The following BAZ1B variants were observed in gnomAD, a reference collection of about 807,000 sequenced individuals.
BAZ1B encodes the protein bromodomain adjacent to zinc finger domain 1B, also known as tyrosine-protein kinase BAZ1B.
BAZ1B carries 22 observed loss-of-function variants against 153.8 expected under a neutral mutation model. The ratio of observed to expected loss-of-function variants is 0.14; its 90% confidence interval spans 0.10 to 0.20. BAZ1B has a LOEUF of 0.20. Ranked by LOEUF, BAZ1B falls within the 10% of genes least tolerant of loss-of-function variation. The probability of loss-of-function intolerance (pLI) is 1.00; values close to 1 mark genes in which losing one functional copy is unlikely to be tolerated. For synonymous variants in BAZ1B, 676 were observed against 633.4 expected, an observed-to-expected ratio of 1.07 and a Z score of -1.01; for missense variants, 1,325 against 1,799.3, an observed-to-expected ratio of 0.74 and a Z score of 4.77.
intron 7 of BAZ1B, among the ~76,000 whole-genome samples, chr7:73,471,020 C>G (rs1788783670): frequency 6.6e-6 from 1 of 152,188 alleles, no homozygotes; most frequent in African/African-American, 2.4e-5. Context: ...TAGGCGTGAG[C>G]CACCACACCC....
intron 10 of BAZ1B, 96 bp downstream of exon 10, chr7:73,466,200 A>G: frequency 2.3e-6 from 2 of 867,100 alleles, no homozygotes; most frequent in East Asian, 5.0e-5. Flanking sequence ...TCCTGCGCAA[A>G]TAATTATTAA....
chr7:73,447,210 G>A (rs1443429208), intron 16 of BAZ1B, 54 bp downstream of exon 16: 46 of 1,611,964 alleles, frequency 2.9e-5, no homozygotes, highest in Non-Finnish European at 3.6e-5. Flanking sequence ...CTTTCCAAGC[G>A]TTCCAAGCTT....
chr7:73,459,590 A>G lies in BAZ1B; in HGVS notation c.3378T>C (p.Asp1126=), dbSNP rs1788324473. 1 of 1,614,040 alleles carries G rather than the reference A, an allele frequency of 6.2e-7. No individual in the cohort carries two copies. The highest frequency in any genetic ancestry group is 2.2e-5 in the East Asian group (1 of 44,886). The part of the protein sequence containing the change: ...KQKRRKLQSE[D]SAKTEEVDEE... ...CATCCACTTCCTCAGTTTTTGCTGA[A>G]TCTTCACTTTGGAGTTTTCTTCTCT... Residue 1126 remains aspartate (D), a synonymous_variant, in exon 13 of 20, where the codon GAT becomes GAC. Coordinates refer to ENST00000339594, the MANE Select transcript of BAZ1B (RefSeq NM_032408.4).
intron 5 of BAZ1B, among the ~76,000 whole-genome samples, chr7:73,490,631 G>C (rs1363057719): frequency 1.3e-5 from 2 of 149,566 alleles, no homozygotes; most frequent in Admixed American, 1.3e-4. Flanking sequence ...TTGAGATGGA[G>C]TTTCACTCTT....
At chr7:73,486,876 CTA>C (rs1369244094) in intron 6 of BAZ1B, among the ~76,000 whole-genome samples, 1 of 152,184 alleles carries the variant, frequency 6.6e-6, no homozygotes, top group Non-Finnish European at 1.5e-5. Context: ...ATCTGTGTTA[CTA>C]TGTTTTGCCC....
chr7:73,442,458 C>T lies in BAZ1B; in HGVS notation c.4190G>A (p.Ser1397Asn). 1.2e-6 allele frequency: 2 copies of T among 1,614,258 alleles called. No homozygotes were observed. The highest frequency in any genetic ancestry group is 1.7e-6 in the Non-Finnish European group (2 of 1,180,050). The part of the protein sequence containing the change: ...QTVQNKCSCG[S>N]YRSVQEFLTD... ...AAGAAACTCCTGCACAGAGCGGTAG[C>T]TCCCACAGGAACATTTGTTCTGCAC... The change falls in exon 19 of 20, where the codon AGC (serine) becomes AAC (asparagine). Residue 1397 changes from serine (S) to asparagine (N), a missense_variant. This residue lies in a region of BAZ1B where 271 missense variants were observed against 337.2 expected (regional missense o/e 0.80). Coordinates refer to ENST00000339594, the MANE Select transcript of BAZ1B (RefSeq NM_032408.4).
intron 2 of BAZ1B, among the ~76,000 whole-genome samples, chr7:73,509,760 G>A (rs1347833560): frequency 6.6e-6 from 1 of 151,256 alleles, no homozygotes; most frequent in African/African-American, 2.4e-5. Context: ...TTGAACACCA[G>A]AGCTGTTGCA....
chr7:73,489,600 A>C (rs1410866240), intron 5 of BAZ1B, among the ~76,000 whole-genome samples: 2 of 152,214 alleles, frequency 1.3e-5, no homozygotes, highest in African/African-American at 2.4e-5. Context: ...AGATTGTTTG[A>C]GGCCAGGAGT....
intron 4 of BAZ1B, among the ~76,000 whole-genome samples, chr7:73,494,515 T>A (rs138170537): frequency 3.3e-5 from 5 of 152,136 alleles, no homozygotes; most frequent in African/African-American, 1.2e-4. Context: ...GAGGCTGAGG[T>A]GGGGAGACTG....
intron 6 of BAZ1B, among the ~76,000 whole-genome samples, chr7:73,484,724 G>C (rs1203527178): frequency 6.6e-6 from 1 of 152,180 alleles, no homozygotes; most frequent in Non-Finnish European, 1.5e-5. Flanking sequence ...GATGCACTAA[G>C]AATACATCAA....
intron 12 of BAZ1B, 44 bp from the exon 13 acceptor site, chr7:73,459,762 G>A (rs1554570084): frequency 6.6e-7 from 1 of 1,525,462 alleles, no homozygotes; most frequent in East Asian, 2.3e-5. Context: ...AAGGCCCAGA[G>A]GAAGACGAAA....
intron 4 of BAZ1B, among the ~76,000 whole-genome samples, chr7:73,497,533 T>A (rs1436436090): frequency 6.6e-6 from 1 of 152,312 alleles, no homozygotes; most frequent in African/African-American, 2.4e-5. Flanking sequence ...TAGACTAGTA[T>A]CTACATGTAT....
Position 73,444,079 on chromosome 7 carries a change from C to A in BAZ1B, c.3895G>T (p.Ala1299Ser). 6.2e-7 allele frequency: 1 copy of A among 1,613,242 alleles called. No homozygotes were observed. The highest frequency in any genetic ancestry group is 8.5e-7 in the Non-Finnish European group (1 of 1,179,640). The change falls in exon 17 of 20, where the codon GCA becomes TCA. Residue 1299 changes from alanine to serine, a missense_variant. Coordinates refer to ENST00000339594, the MANE Select transcript of BAZ1B (RefSeq NM_032408.4). ...RGKHSVIPPA[A>S]RSGRRPGKKP... ...TTACCCGGGCGCCGGCCTGACCTTGCTGCAGGGGGGATGACGCTGTGCTTG... is the reference window on the plus strand; with the variant it reads ...TTACCCGGGCGCCGGCCTGACCTTGATGCAGGGGGGATGACGCTGTGCTTG...
At position 73,509,690 on chromosome 7, in the gene BAZ1B, C is replaced by T. The variant is rs145755206; in HGVS notation, c.224+1046G>A. ...CTGCACTCCACCCTGGGCAACAGAG[C>T]GAAACTGTGCCTCTTAAAAAAAAGG... On this transcript the variant is annotated intron_variant, in intron 2 of 19. Coordinates refer to ENST00000339594, the MANE Select transcript of BAZ1B (RefSeq NM_032408.4). Among the ~76,000 whole-genome samples the T allele has an allele frequency of 9.3e-5, 14 of 151,170 alleles. No individual in the cohort carries two copies. In the East Asian group the frequency reaches 2.5e-3, roughly 27 times the overall value.
At chr7:73,463,985 C>A (rs1410570838) in intron 11 of BAZ1B, 1 of 368,214 alleles carries the variant, frequency 2.7e-6, no homozygotes, top group Non-Finnish European at 3.8e-6. Context: ...GGATTACAGG[C>A]GTGAGCCACC....
In BAZ1B at chr7:73,469,957, C is replaced by A. The variant is rs143461799; in HGVS notation, c.2733-307G>T. On this transcript the variant is annotated intron_variant, in intron 8 of 19. Coordinates refer to ENST00000339594, the MANE Select transcript of BAZ1B (RefSeq NM_032408.4). ...TCCTGGCCTCAAGCAATCCTCTCGA[C>A]TCAGCCTCCCAAAGTGTAGGATTAC... Among the ~76,000 whole-genome samples the A allele has an allele frequency of 4.4e-3, 671 of 152,294 alleles. 4 individuals carry two copies. Among genetic ancestry groups the A allele is most frequent in the African/African-American group, 0.016 (645 of 41,550 alleles).
At chr7:73,472,662 T>C (rs1233788719) in intron 7 of BAZ1B, among the ~76,000 whole-genome samples, 1 of 151,910 alleles carries the variant, frequency 6.6e-6, no homozygotes, top group Non-Finnish European at 1.5e-5. Context: ...CTGCAACCTC[T>C]GCCTCCCAGG....
chr7:73,460,970 G>GT (rs1281247304), intron 12 of BAZ1B, among the ~76,000 whole-genome samples: 3 of 150,236 alleles, frequency 2.0e-5, no homozygotes, highest in Non-Finnish European at 4.4e-5. Context: ...TTTTTTTTTG[G>GT]TTTTTTGTTG....
chr7:73,474,484 G>C (rs1227152634), intron 7 of BAZ1B, among the ~76,000 whole-genome samples: 2 of 152,174 alleles, frequency 1.3e-5, no homozygotes, highest in Non-Finnish European at 2.9e-5. Flanking sequence ...CTAAGAAAGT[G>C]AAAGGACAGG....
Sources: allele counts gnomAD v4.1 joint callset (sites outside exome capture counted in the v4.1 genomes callset), GRCh38; gene constraint gnomAD v4.1.1; regional missense constraint gnomAD v4.1.1; transcripts MANE v1.5; gene names NCBI Gene and HGNC (gene_info 2026-07-23, HGNC 2026-07-21).